CNTN4: variants seen among roughly 807,000 people sequenced by gnomAD.
CNTN4 encodes the protein contactin-4.
Under a neutral mutation model 122.5 loss-of-function variants are expected in CNTN4, and 77 were observed. The observed-to-expected ratio is 0.63, with a 90% CI of 0.52 to 0.76. The LOEUF is 0.76. Ranked by LOEUF, CNTN4 falls within the 30% of genes least tolerant of loss-of-function variation. The pLI, the probability that CNTN4 is intolerant of heterozygous loss-of-function variation, is 0.00. For missense variants in CNTN4, 1,256 were observed against 1,259.1 expected (o/e 1.00, Z 0.04); for synonymous variants, 512 against 447.0 (o/e 1.15, Z -1.83).
At chr3:2,193,527 C>G (rs1262638876) in intron 2 of CNTN4, among the ~76,000 whole-genome samples, 2 of 152,088 alleles carry the variant, frequency 1.3e-5, no homozygotes, top group Non-Finnish European at 2.9e-5. Context: ...AGTATGTGGC[C>G]ATAGACTGGA....
At position 2,524,292 on chromosome 3, in the gene CNTN4, C is replaced by G. The variant is rs540323312; in HGVS notation, c.-88-47124C>G. 3.3e-5 allele frequency among the ~76,000 whole-genome samples: 5 copies of G among 152,202 alleles called. No homozygotes were observed. The South Asian group carries it at 1.0e-3, about 32-fold the overall frequency. ...TGGCATCCTATTTTCAAAGTTTAGC[C>G]ATATTGTCGTGTGCATCAGTACTTC... On this transcript the variant is annotated intron_variant, in intron 3 of 24. Transcript: ENST00000418658.
At chr3:2,618,103 G>C (rs1455660481) in intron 4 of CNTN4, among the ~76,000 whole-genome samples, 2 of 152,102 alleles carry the variant, frequency 1.3e-5, no homozygotes, top group Non-Finnish European at 2.9e-5. Context: ...AGTTAGAACA[G>C]ATACATGTTT....
At chr3:3,007,700 C>T (rs1696794672) in intron 14 of CNTN4, among the ~76,000 whole-genome samples, 2 of 152,322 alleles carry the variant, frequency 1.3e-5, no homozygotes, top group South Asian at 4.2e-4. Flanking sequence ...TATCCATCTC[C>T]ATCACACAAG....
At chr3:2,890,269 C>T (rs2094023656) in intron 10 of CNTN4, among the ~76,000 whole-genome samples, 2 of 152,170 alleles carry the variant, frequency 1.3e-5, no homozygotes, top group African/African-American at 4.8e-5. Flanking sequence ...CATCTTTTTT[C>T]CTCTCACTTT....
At chr3:2,926,468 T>C (rs965983064) in intron 13 of CNTN4, among the ~76,000 whole-genome samples, 2 of 152,214 alleles carry the variant, frequency 1.3e-5, no homozygotes, top group Non-Finnish European at 2.9e-5. Flanking sequence ...TAAGACCTTT[T>C]CTTGGCTGTC....
chr3:3,014,691 C>G (rs567520374), intron 14 of CNTN4, among the ~76,000 whole-genome samples: 2 of 151,656 alleles, frequency 1.3e-5, no homozygotes, highest in Admixed American at 6.6e-5. Context: ...TTTTCCTTGT[C>G]TCTTGGCTTT....
intron 2 of CNTN4, among the ~76,000 whole-genome samples, chr3:2,159,042 AG>A (rs201450785): frequency 0.012 from 1,861 of 152,202 alleles, 15 homozygotes; most frequent in Middle Eastern, 0.048. Flanking sequence ...AGAGGCAGCG[AG>A]TGGGAGAAAA....
At chr3:2,660,230 A>AC (rs1553604555) in intron 4 of CNTN4, among the ~76,000 whole-genome samples, 1 of 151,158 alleles carries the variant, frequency 6.6e-6, no homozygotes, top group African/African-American at 2.4e-5. Context: ...TAAAAAAAAA[A>AC]CTCTAATAGT....
Position 2,765,336 on chromosome 3 carries a change from C to T in CNTN4, c.358+19639C>T, listed in dbSNP as rs181696636. Among the ~76,000 whole-genome samples, 104 of 152,286 alleles carry T rather than the reference C, an allele frequency of 6.8e-4. No individual in the cohort carries two copies. The East Asian group carries it at 0.015, about 22-fold the overall frequency. On this transcript the variant is annotated intron_variant, in intron 6 of 24. Transcript: ENST00000418658. ...CGAAGTCAGGAAAAGCCCACTTAACCGACAGTGCTAGAGAATGGAGCTCAA... is the reference window on the plus strand; with the variant it reads ...CGAAGTCAGGAAAAGCCCACTTAACTGACAGTGCTAGAGAATGGAGCTCAA...
At chr3:2,366,943 C>T (rs963724021) in intron 3 of CNTN4, among the ~76,000 whole-genome samples, 1 of 151,974 alleles carries the variant, frequency 6.6e-6, no homozygotes, top group South Asian at 2.1e-4. Context: ...AATATTCATG[C>T]TTAGTTACAG....
chr3:2,190,367 T>C (rs1012755681), intron 2 of CNTN4, among the ~76,000 whole-genome samples: 1 of 151,964 alleles, frequency 6.6e-6, no homozygotes, highest in Non-Finnish European at 1.5e-5. Context: ...AAAAAGAATT[T>C]TTCTAGAGGA....
At chr3:2,441,565 T>A (rs1407668401) in intron 3 of CNTN4, among the ~76,000 whole-genome samples, 1 of 152,208 alleles carries the variant, frequency 6.6e-6, no homozygotes, top group East Asian at 1.9e-4. Context: ...AATAAGGTAT[T>A]AGGGTAGCTT....
intron 4 of CNTN4, among the ~76,000 whole-genome samples, chr3:2,684,984 G>A (rs181472775): frequency 2.0e-5 from 3 of 152,256 alleles, no homozygotes; most frequent in South Asian, 2.1e-4. Flanking sequence ...CTTGTGAAAC[G>A]TAAAGATTAC....
intron 3 of CNTN4, among the ~76,000 whole-genome samples, chr3:2,403,933 T>A (rs77978072): frequency 0.054 from 8,282 of 152,226 alleles, 329 homozygotes; most frequent in Non-Finnish European, 0.081. Flanking sequence ...TGACCTCTGT[T>A]TGAAACCCAT....
At chr3:2,110,097 T>C (rs1212774788) in intron 2 of CNTN4, among the ~76,000 whole-genome samples, 1 of 152,254 alleles carries the variant, frequency 6.6e-6, no homozygotes, top group Non-Finnish European at 1.5e-5. Context: ...ATAATTTACT[T>C]CTTGATGACA....
intron 6 of CNTN4, among the ~76,000 whole-genome samples, chr3:2,786,299 G>C (rs1422264535): frequency 6.6e-6 from 1 of 152,184 alleles, no homozygotes; most frequent in African/African-American, 2.4e-5. Flanking sequence ...AGTGTCCACG[G>C]ACAGCAAAGC....
chr3:2,353,925 AC>A (rs1254525213), intron 3 of CNTN4, among the ~76,000 whole-genome samples: 1 of 148,448 alleles, frequency 6.7e-6, no homozygotes, highest in Non-Finnish European at 1.5e-5. Flanking sequence ...AAACAAACAA[AC>A]AAAAAAAACA....
intron 2 of CNTN4, among the ~76,000 whole-genome samples, chr3:2,195,165 C>T (rs9863862): frequency 0.69 from 105,419 of 151,744 alleles, 37,686 homozygotes; most frequent in South Asian, 0.83. Context: ...TAAGTGAGAT[C>T]ATACAGTATT....
intron 6 of CNTN4, among the ~76,000 whole-genome samples, chr3:2,783,318 G>T (rs1224061494): frequency 6.6e-6 from 1 of 152,134 alleles, no homozygotes; most frequent in Non-Finnish European, 1.5e-5. Flanking sequence ...AGGTAAGGCA[G>T]ATTGAGGCCT....
Sources: gnomAD v4.1 joint callset for allele counts (sites outside exome capture counted in the v4.1 genomes callset) on GRCh38, gnomAD v4.1.1 for gene constraint, MANE v1.5 for transcripts, NCBI Gene and HGNC (gene_info 2026-07-23, HGNC 2026-07-21) for gene names.